The following RIBC2 variants were observed in gnomAD, a reference collection of about 807,000 sequenced individuals.
RIBC2 encodes the protein RIB43A-like with coiled-coils protein 2.
RIBC2 carries 40 observed loss-of-function variants against 44.3 expected under a neutral mutation model. That is an observed-to-expected ratio of 0.90 (90% confidence interval 0.70 to 1.18). The LOEUF is 1.18. Among genes scored for constraint, RIBC2 ranks in the 50% most tolerant of loss-of-function variants. RIBC2 has a pLI of 0.00. For missense variants in RIBC2, 459 were observed against 485.5 expected (o/e 0.95, Z 0.51); for synonymous variants, 171 against 175.0 (o/e 0.98, Z 0.18).
intron 1 of RIBC2, 97 bp from the exon 2 acceptor site, chr22:45,414,224 AC>A: frequency 6.7e-7 from 1 of 1,494,426 alleles, no homozygotes; most frequent in Non-Finnish European, 8.9e-7. Flanking sequence ...CAACTCGTTT[AC>A]AGTGGGGCAG....
At chr22:45,427,441 G>A (rs888972569) in intron 5 of RIBC2, among the ~76,000 whole-genome samples, 5 of 152,234 alleles carry the variant, frequency 3.3e-5, no homozygotes, top group African/African-American at 1.2e-4. Context: ...AGAAGTCAAG[G>A]AAATGCGTTT....
chr22:45,427,395 G>T (rs920686777), intron 5 of RIBC2, among the ~76,000 whole-genome samples: 26 of 152,196 alleles, frequency 1.7e-4, no homozygotes, highest in Admixed American at 6.5e-4. Context: ...CATTTCACTG[G>T]ACAACACTTA....
At chr22:45,416,900 T>G (rs2087430230) in intron 2 of RIBC2, among the ~76,000 whole-genome samples, 1 of 75,852 alleles carries the variant, frequency 1.3e-5, no homozygotes, top group East Asian at 5.7e-4. Context: ...ATTACTCAGG[T>G]TTTTTTTTTT....
At chr22:45,415,646 A>G (rs923438916) in intron 2 of RIBC2, among the ~76,000 whole-genome samples, 4 of 151,138 alleles carry the variant, frequency 2.6e-5, no homozygotes, top group African/African-American at 9.7e-5. Flanking sequence ...CCTGCCCCCT[A>G]CCTCTTAATT....
chr22:45,424,132 G>A (rs531060263), intron 4 of RIBC2, among the ~76,000 whole-genome samples: 38 of 152,288 alleles, frequency 2.5e-4, no homozygotes, highest in African/African-American at 8.4e-4. Context: ...GGCTCCTCAC[G>A]TGGATGCCAC....
At chr22:45,415,545 G>T (rs1263337894) in intron 2 of RIBC2, among the ~76,000 whole-genome samples, 1 of 151,820 alleles carries the variant, frequency 6.6e-6, no homozygotes. Flanking sequence ...TTAACATTTT[G>T]CCAGATTGGC....
chr22:45,422,498 C>A, intron 4 of RIBC2, 90 bp downstream of exon 4: 1 of 925,056 alleles, frequency 1.1e-6, no homozygotes, highest in Non-Finnish European at 1.8e-6. Flanking sequence ...TCCCTGGGAT[C>A]CCAGTCTCAG....
In RIBC2 at chr22:45,414,393, T is replaced by A; in HGVS notation, c.201T>A (p.His67Gln). 1 of 1,549,500 alleles carries A rather than the reference T, an allele frequency of 6.5e-7. No individual in the cohort carries two copies. The change falls in exon 2 of 7, where the codon CAT becomes CAA. Residue 67 changes from histidine to glutamine, a missense_variant. His to Gln is a conservative substitution (Grantham distance 24, BLOSUM62 0). Transcript: ENST00000614167. Reference protein sequence around the residue: ...KIKEATEKARHETFAAEMRQN... With the variant: ...KIKEATEKARQETFAAEMRQN... ...AAGAAGCTACTGAAAAAGCTAGACATGAAACCTTTGGTGAGCATTTCCTGA... is the reference window on the plus strand; with the variant it reads ...AAGAAGCTACTGAAAAAGCTAGACAAGAAACCTTTGGTGAGCATTTCCTGA...
intron 6 of RIBC2, among the ~76,000 whole-genome samples, chr22:45,431,429 C>A (rs1156645029): frequency 6.6e-6 from 1 of 152,012 alleles, no homozygotes; most frequent in Non-Finnish European, 1.5e-5. Flanking sequence ...TGGGCTGCCC[C>A]AGAAAAGCCT....
At chr22:45,428,705 G>C (rs2087553900) in intron 5 of RIBC2, among the ~76,000 whole-genome samples, 1 of 152,182 alleles carries the variant, frequency 6.6e-6, no homozygotes, top group East Asian at 1.9e-4. Flanking sequence ...GCAGGGCCGG[G>C]GGGAGTTAGT....
At chr22:45,421,932 T>G (rs1343487281) in intron 3 of RIBC2, among the ~76,000 whole-genome samples, 1 of 152,094 alleles carries the variant, frequency 6.6e-6, no homozygotes, top group Non-Finnish European at 1.5e-5. Context: ...CTGAATCCTT[T>G]CCCAAAACCT....
chr22:45,425,794 C>T (rs1213728299), intron 4 of RIBC2, among the ~76,000 whole-genome samples, 154 bp from the exon 5 acceptor site: 1 of 152,146 alleles, frequency 6.6e-6, no homozygotes. Flanking sequence ...AGGACCCACC[C>T]ACATCCGTGC....
rs763944854 is a variant in RIBC2, at chr22:45,430,919, G to A, written c.923G>A (p.Arg308His). 21 of 1,596,642 alleles carry A rather than the reference G, an allele frequency of 1.3e-5. No homozygotes were observed. The highest frequency in any genetic ancestry group is 3.4e-5 in the South Asian group (3 of 89,354). ...TTCCAGAGGCTCCAGGAAGAAAAGC[G>A]CCAGCGAGACCTGGACTGGGACCGG... ...QEKLRLQEEK[R>H]QRDLDWDRRR... Residue 308 changes from arginine (R) to histidine (H), a missense_variant, in exon 6 of 7, where the codon CGC becomes CAC. Arg to His is a conservative substitution (Grantham distance 29). Transcript: ENST00000614167.
rs186762593 is a variant in RIBC2, at chr22:45,420,005, G to A, written c.556+2059G>A. ...TGTGCCACTGCACTCCACCCTGGGT[G>A]AGAGTGAGACTCCATCTGAAACAAA... On this transcript the variant is annotated intron_variant, in intron 3 of 6. Transcript: ENST00000614167. Among the ~76,000 whole-genome samples, 345 of 152,290 alleles carry A rather than the reference G, an allele frequency of 2.3e-3. 2 individuals carry two copies. The highest frequency in any genetic ancestry group is 0.011 in the South Asian group (54 of 4,826).
intron 4 of RIBC2, among the ~76,000 whole-genome samples, chr22:45,423,791 C>G (rs1483786646): frequency 2.6e-5 from 4 of 152,190 alleles, no homozygotes; most frequent in Non-Finnish European, 5.9e-5. Context: ...GATCATCCAT[C>G]CCTGCCCTTC....
intron 3 of RIBC2, 78 bp downstream of exon 3, chr22:45,418,024 GCAACCCTACAGTTT>G (rs2087443408): frequency 2.3e-6 from 2 of 859,312 alleles, no homozygotes. Flanking sequence ...TTTTTTTTAA[GCAACCCTACAGTTT>G]TTTTTTTTTT....
rs766392991 is a variant in RIBC2 at position 45,417,589 on chromosome 22, G to A, written c.212-13G>A. 28 of 1,587,628 alleles carry A rather than the reference G, an allele frequency of 1.8e-5. No individual in the cohort carries two copies. The highest frequency in any genetic ancestry group is 8.4e-5 in the Admixed American group (5 of 59,528). ...TGAATCCTAAGCTTATGGATATGCTGTATCTCTTCCAGCTGCTGAAATGAG... is the reference window on the plus strand; with the variant it reads ...TGAATCCTAAGCTTATGGATATGCTATATCTCTTCCAGCTGCTGAAATGAG... On this transcript the variant is annotated splice_polypyrimidine_tract_variant and intron_variant, in intron 2 of 6. Coordinates refer to ENST00000614167, the MANE Select transcript of RIBC2 (RefSeq NM_015653.5).
intron 5 of RIBC2, among the ~76,000 whole-genome samples, chr22:45,428,731 A>G (rs1471432661): frequency 6.6e-6 from 1 of 152,162 alleles, no homozygotes; most frequent in Non-Finnish European, 1.5e-5. Context: ...GTGGTCATCT[A>G]GAAGAGCTGG....
chr22:45,429,781 T>C (rs717294), intron 5 of RIBC2, among the ~76,000 whole-genome samples: 94,740 of 152,100 alleles, frequency 0.62, 32,033 homozygotes, highest in African/African-American at 0.9. Context: ...GAAAGCAGTA[T>C]TGCTGTCTAG....
Sources: gnomAD v4.1 joint callset for allele counts (sites outside exome capture counted in the v4.1 genomes callset) on GRCh38, gnomAD v4.1.1 for gene constraint, MANE v1.5 for transcripts, NCBI Gene and HGNC (gene_info 2026-07-23, HGNC 2026-07-21) for gene names.